The following ACOX2 variants were observed in gnomAD, a reference collection of about 807,000 sequenced individuals.
ACOX2 encodes the protein acyl-CoA oxidase 2, also known as peroxisomal acyl-coenzyme A oxidase 2.
ACOX2 carries 59 observed loss-of-function variants against 77.5 expected under a neutral mutation model. The ratio of observed to expected loss-of-function variants is 0.76; its 90% CI spans 0.62 to 0.95. The LOEUF is 0.95. Ranked by LOEUF, ACOX2 falls within the 40% of genes least tolerant of loss-of-function variation. The pLI is 0.00. For missense variants in ACOX2, 837 were observed against 880.4 expected, an observed-to-expected ratio of 0.95 and a Z score of 0.62; for synonymous variants, 317 against 340.1, an observed-to-expected ratio of 0.93 and a Z score of 0.75.
rs2063462502 is a variant in ACOX2 at position 58,534,233 on chromosome 3, G to A, written c.324-88C>T. 6.3e-7 allele frequency: 1 copy of A among 1,580,774 alleles called. No individual in the cohort carries two copies. The highest frequency in any genetic ancestry group is 8.6e-7 in the Non-Finnish European group (1 of 1,165,592). On this transcript the variant is annotated intron_variant, in intron 3 of 14. Coordinates refer to ENST00000302819, the MANE Select transcript of ACOX2 (RefSeq NM_003500.4). The surrounding 1 kb of genome is among the most constrained non-coding windows in gnomAD (Gnocchi z 4.8). ...CCTGAGCAGAGTACAGGAGATAAAG[G>A]GCACCTAGCATCCTGGTTTCCCAAC...
Position 58,531,429 on chromosome 3 carries a change from T to C in ACOX2, c.704-63A>G, listed in dbSNP as rs983777644. On this transcript the variant is annotated intron_variant, in intron 6 of 14. Coordinates refer to ENST00000302819, the MANE Select transcript of ACOX2 (RefSeq NM_003500.4). The surrounding 1 kb of genome is among the most constrained non-coding windows in gnomAD (Gnocchi z 5.8). ...GAGAGTGCTTGCTATGTGGCAGGTA[T>C]CATACACACATTCCAGGTCACAGCA... 2 of 1,455,984 alleles carry C rather than the reference T, an allele frequency of 1.4e-6. No homozygotes were observed. Among genetic ancestry groups the C allele is most frequent in the Admixed American group, 1.7e-5 (1 of 57,454 alleles). 90.2% of individuals were successfully genotyped at this position (1,455,984 alleles called of 1,614,324 possible). A position where few individuals can be genotyped will look rare whatever the true frequency, so the allele number is the denominator to read the frequency against.
intron 13 of ACOX2, among the ~76,000 whole-genome samples, chr3:58,516,061 A>G (rs1023226669): frequency 6.6e-6 from 1 of 152,026 alleles, no homozygotes; most frequent in Admixed American, 6.6e-5. Context: ...TTTTAAAGCA[A>G]TCGTTTAGAT....
At position 58,534,396 on chromosome 3, in the gene ACOX2, C is replaced by G. The variant is rs187126684; in HGVS notation, c.287G>C (p.Trp96Ser). The G allele has an allele frequency of 2.5e-6, 4 of 1,614,198 alleles. No homozygotes were observed. The highest frequency in any genetic ancestry group is 2.5e-6 in the Non-Finnish European group (3 of 1,180,034). The change falls in exon 3 of 15, where the codon TGG (tryptophan) becomes TCG (serine). Residue 96 changes from tryptophan to serine, a missense_variant. Coordinates refer to ENST00000302819, the MANE Select transcript of ACOX2 (RefSeq NM_003500.4). The surrounding 1 kb of genome is among the most constrained non-coding windows in gnomAD (Gnocchi z 4.8). Reference sequence around the variant, plus strand: ...GCCTAATTCACGACCATCTTCTAACCAACCCAGGCGCCGAGCTATCAACCG... The same window carrying G: ...GCCTAATTCACGACCATCTTCTAACGAACCCAGGCGCCGAGCTATCAACCG... ...HIRLIARRLG[W>S]LEDGRELGYA... is the part of the protein sequence containing the mutation.
chr3:58,529,930 C>T (rs1266308010), intron 8 of ACOX2, among the ~76,000 whole-genome samples: 1 of 152,200 alleles, frequency 6.6e-6, no homozygotes, highest in Non-Finnish European at 1.5e-5. Flanking sequence ...GGTAGCAACA[C>T]AACCAATTAC....
At position 58,526,378 on chromosome 3, in the gene ACOX2, A is replaced by G; in HGVS notation, c.1346+88T>C. On this transcript the variant is annotated intron_variant, in intron 10 of 14. Coordinates refer to ENST00000302819, the MANE Select transcript of ACOX2 (RefSeq NM_003500.4). The surrounding 1 kb of genome is among the most constrained non-coding windows in gnomAD (Gnocchi z 4.3). ...GCACTTCGCAAAGCCTGCTCTTTTT[A>G]TGGGCCTCAGACGGAACCCTCCACC... 2.1e-6 allele frequency: 3 copies of G among 1,417,506 alleles called. No individual in the cohort carries two copies. Among genetic ancestry groups the G allele is most frequent in the South Asian group, 1.5e-5 (1 of 68,602 alleles). The allele number at this position is 1,417,506 out of a possible 1,614,324, so 87.8% of individuals were successfully genotyped here.
Position 58,522,404 on chromosome 3 carries a change from G to A in ACOX2, c.1632+92C>T. The A allele has an allele frequency of 8.0e-7, 1 of 1,245,830 alleles. No homozygotes were observed. Among genetic ancestry groups the A allele is most frequent in the Non-Finnish European group, 1.2e-6 (1 of 860,646 alleles). The allele number at this position is 1,245,830 out of a possible 1,614,324, so 77.2% of individuals were successfully genotyped here. A position where few individuals can be genotyped will look rare whatever the true frequency, so the allele number is the denominator to read the frequency against. On this transcript the variant is annotated intron_variant, in intron 12 of 14. Coordinates refer to ENST00000302819, the MANE Select transcript of ACOX2 (RefSeq NM_003500.4). This position sits in a 1 kb window ranked among gnomAD's most constrained non-coding sequence, Gnocchi z 4.3. ...GGCAGCCGCCACTGAAGCAGAGTTG[G>A]GGAATAATGGCAGAGCCCGGATTTT... is the stretch of plus-strand genomic sequence containing the variant.
At position 58,526,074 on chromosome 3, in the gene ACOX2, C is replaced by T. The variant is rs576555621; in HGVS notation, c.1346+392G>A. Among the ~76,000 whole-genome samples, 4 of 151,128 alleles carry T rather than the reference C, an allele frequency of 2.6e-5. No individual in the cohort carries two copies. The highest frequency in any genetic ancestry group is 3.5e-3 in the Middle Eastern group (1 of 286). ...CAGGAGGTGGTGAGAGCAGGATGGA[C>T]GGGGAGGCAGGGGTCAGGTCACATG... On this transcript the variant is annotated intron_variant, in intron 10 of 14. Transcript: ENST00000302819. This position sits in a 1 kb window ranked among gnomAD's most constrained non-coding sequence, Gnocchi z 4.3.
chr3:58,522,830 G>A lies in ACOX2; in HGVS notation c.1527-229C>T. The A allele has an allele frequency of 2.1e-6, 1 of 485,978 alleles. No individual in the cohort carries two copies. Among genetic ancestry groups the A allele is most frequent in the Non-Finnish European group, 3.8e-6 (1 of 266,442 alleles). 30.1% of individuals were successfully genotyped at this position (485,978 alleles called of 1,614,324 possible). A position where few individuals can be genotyped will look rare whatever the true frequency, so the allele number is the denominator to read the frequency against. ...CAGAGAGGTTAACCAATTTGTCCAGGGTCACACAGCTAGTAAGGAGTGGAG... is the reference window on the plus strand; with the variant it reads ...CAGAGAGGTTAACCAATTTGTCCAGAGTCACACAGCTAGTAAGGAGTGGAG... On this transcript the variant is annotated intron_variant, in intron 11 of 14. Transcript: ENST00000302819. The surrounding 1 kb of genome is among the most constrained non-coding windows in gnomAD (Gnocchi z 4.3).
intron 14 of ACOX2, among the ~76,000 whole-genome samples, chr3:58,508,309 A>G (rs2107983695): frequency 6.6e-6 from 1 of 152,182 alleles, no homozygotes; most frequent in East Asian, 1.9e-4. Context: ...TTTTTTTGGC[A>G]TGACCCTTTT....
At position 58,525,571 on chromosome 3, in the gene ACOX2, G is replaced by A. The variant is rs941462487; in HGVS notation, c.1346+895C>T. Among the ~76,000 whole-genome samples, 4 of 152,214 alleles carry A rather than the reference G, an allele frequency of 2.6e-5. No homozygotes were observed. In the East Asian group the frequency reaches 5.8e-4, roughly 22 times the overall value. ...TAGGGGTAGTCCCTGCCCTCAGGGA[G>A]CTCCTAATCTAGTTGGAGAGTAGAG... is the stretch of plus-strand genomic sequence containing the variant. On this transcript the variant is annotated intron_variant, in intron 10 of 14. Coordinates refer to ENST00000302819, the MANE Select transcript of ACOX2 (RefSeq NM_003500.4). The surrounding 1 kb of genome is among the most constrained non-coding windows in gnomAD (Gnocchi z 5.0).
intron 12 of ACOX2, among the ~76,000 whole-genome samples, chr3:58,518,478 T>G (rs532010968): frequency 1.3e-5 from 2 of 152,308 alleles, no homozygotes; most frequent in East Asian, 3.9e-4. Flanking sequence ...AGGGCTAAAG[T>G]CCATTTTGAT....
chr3:58,512,049 T>C lies in ACOX2; in HGVS notation c.1851-3024A>G, dbSNP rs1479588913. On this transcript the variant is annotated intron_variant, in intron 13 of 14. Coordinates refer to ENST00000302819, the MANE Select transcript of ACOX2 (RefSeq NM_003500.4). This position sits in a 1 kb window ranked among gnomAD's most constrained non-coding sequence, Gnocchi z 4.8. ...CATACGCCAATGACTTCCAAACTTA[T>C]CCCTCCAGTGTCCCCTGCTTACCAA... Among the ~76,000 whole-genome samples the C allele has an allele frequency of 6.6e-6, 1 of 152,200 alleles. No homozygotes were observed. Among genetic ancestry groups the C allele is most frequent in the Non-Finnish European group, 1.5e-5 (1 of 68,034 alleles).
chr3:58,512,519 A>C lies in ACOX2; in HGVS notation c.1851-3494T>G, dbSNP rs2063295695. ...TCTATCCCATGCTCAAAACCCTCGC[A>C]TTCTCTTAAGTCTTTGCAATGATCT... On this transcript the variant is annotated intron_variant, in intron 13 of 14. Transcript: ENST00000302819. The surrounding 1 kb of genome is among the most constrained non-coding windows in gnomAD (Gnocchi z 4.8). Among the ~76,000 whole-genome samples the C allele has an allele frequency of 6.6e-6, 1 of 152,100 alleles. No individual in the cohort carries two copies. Among genetic ancestry groups the C allele is most frequent in the East Asian group, 1.9e-4 (1 of 5,196 alleles).
At position 58,521,850 on chromosome 3, in the gene ACOX2, G is replaced by A. The variant is rs775467234; in HGVS notation, c.1632+646C>T. On this transcript the variant is annotated intron_variant, in intron 12 of 14. Transcript: ENST00000302819. The surrounding 1 kb of genome is among the most constrained non-coding windows in gnomAD (Gnocchi z 4.8). ...CTTCTTGCTGCTTCCTTTTGCACGC[G>A]CAGCTCCCTTTGCCTGGAAACTTTT... 6.6e-6 allele frequency among the ~76,000 whole-genome samples: 1 copy of A among 152,146 alleles called. No homozygotes were observed. The highest frequency in any genetic ancestry group is 1.5e-5 in the Non-Finnish European group (1 of 68,036).
At chr3:58,517,103 C>T in intron 13 of ACOX2, 103 bp downstream of exon 13, 2 of 1,222,802 alleles carry the variant, frequency 1.6e-6, no homozygotes, top group East Asian at 2.4e-5. Flanking sequence ...AGGGCTGTTG[C>T]TGCTCTGCCC....
At position 58,508,978 on chromosome 3, in the gene ACOX2, C is replaced by A; in HGVS notation, c.1898G>T (p.Cys633Phe). ...ATAACAGCCAAGTGCTGAATTTAAA[C>A]ACTGATCGGTGAAGTCAAAAGCATC... ...LTDAFDFTDQ[C>F]LNSALGCYDG... The change falls in exon 14 of 15, where the codon TGT (cysteine) becomes TTT (phenylalanine). Residue 633 changes from cysteine (C) to phenylalanine (F), a missense_variant. By Grantham distance (205) the Cys-to-Phe change is radical. Transcript: ENST00000302819. The A allele has an allele frequency of 6.2e-7, 1 of 1,614,164 alleles. No individual in the cohort carries two copies. Among genetic ancestry groups the A allele is most frequent in the Non-Finnish European group, 8.5e-7 (1 of 1,180,014 alleles).
At chr3:58,520,122 C>T (rs1050941049) in intron 12 of ACOX2, among the ~76,000 whole-genome samples, 4 of 152,204 alleles carry the variant, frequency 2.6e-5, no homozygotes, top group African/African-American at 7.2e-5. Context: ...ATCTTGCCTC[C>T]TGTCTAATTT....
chr3:58,531,315 T>C lies in ACOX2; in HGVS notation c.755A>G (p.Asn252Ser). The change falls in exon 7 of 15, where the codon AAT (asparagine) becomes AGT (serine). Residue 252 changes from asparagine (N) to serine (S), a missense_variant. By Grantham distance (46) the Asn-to-Ser change is conservative. Transcript: ENST00000302819. The surrounding 1 kb of genome is among the most constrained non-coding windows in gnomAD (Gnocchi z 5.8). ...CACATGGTTCAGCTGCAGGAAGCCATTGTCTGTTTGATCAAAGTCCATCTT... is the reference window on the plus strand; with the variant it reads ...CACATGGTTCAGCTGCAGGAAGCCACTGTCTGTTTGATCAAAGTCCATCTT... ...GPKMDFDQTD[N>S]GFLQLNHVRV... 1.9e-6 allele frequency: 3 copies of C among 1,613,780 alleles called. No homozygotes were observed. Among genetic ancestry groups the C allele is most frequent in the Non-Finnish European group, 2.5e-6 (3 of 1,179,980 alleles).
rs1162696159 is a variant in ACOX2, at chr3:58,510,695, TATATATATATATATACACACACACACAC to T, written c.1851-1698_1851-1671del. 9.6e-3 allele frequency among the ~76,000 whole-genome samples: 90 copies of T among 9,402 alleles called. 7 individuals are homozygous for T. Among genetic ancestry groups the T allele is most frequent in the African/African-American group, 0.024 (74 of 3,146 alleles). 6.2% of individuals were successfully genotyped at this position (9,402 alleles called of 152,430 possible). A position where few individuals can be genotyped will look rare whatever the true frequency, so the allele number is the denominator to read the frequency against. ...ATATATATATATATATATATATATA[TATATATATATATATACACACACACACAC>T]ACACACACACACACACACTCAACGA... On this transcript the variant is annotated intron_variant, in intron 13 of 14. Transcript: ENST00000302819.
Sources: allele counts gnomAD v4.1 joint callset (sites outside exome capture counted in the v4.1 genomes callset), GRCh38; gene constraint gnomAD v4.1.1; non-coding constraint Gnocchi (gnomAD v3.1); transcripts MANE v1.5; gene names NCBI Gene and HGNC (gene_info 2026-07-23, HGNC 2026-07-21).